The following AP3B2 variants were observed in gnomAD, a reference collection of about 807,000 sequenced individuals.
The protein encoded by AP3B2 is AP-3 complex subunit beta-2.
In AP3B2, 50 loss-of-function variants were observed where a neutral mutation model predicts 126.9. The observed-to-expected ratio is 0.39, with a 90% confidence interval of 0.31 to 0.50. The LOEUF is 0.50. Among genes scored for constraint, AP3B2 ranks in the 20% least tolerant of loss-of-function variants. AP3B2 has a pLI of 0.79. For missense variants in AP3B2, 1,177 were observed against 1,426.4 expected, an observed-to-expected ratio of 0.83 and a Z score of 2.82; for synonymous variants, 541 against 565.0, an observed-to-expected ratio of 0.96 and a Z score of 0.60.
Position 82,680,316 on chromosome 15 carries a change from G to C in AP3B2, c.1056-87C>G. ...AGGGGAAAAGGTGGGGCAAGTCGTTGCGGGGAGAGGACCAGTGCGGAGGGC... is the reference window on the plus strand; with the variant it reads ...AGGGGAAAAGGTGGGGCAAGTCGTTCCGGGGAGAGGACCAGTGCGGAGGGC... On this transcript the variant is annotated intron_variant, in intron 8 of 26. Coordinates refer to ENST00000535359, the MANE Select transcript of AP3B2 (RefSeq NM_001278512.2). This position sits in a 1 kb window ranked among gnomAD's most constrained non-coding sequence, Gnocchi z 6.1. 6.3e-7 allele frequency: 1 copy of C among 1,585,334 alleles called. No individual in the cohort carries two copies. The highest frequency in any genetic ancestry group is 8.6e-7 in the Non-Finnish European group (1 of 1,163,352).
chr15:82,665,059 CA>C lies in AP3B2; in HGVS notation c.2029-117del. Reference sequence around the variant, plus strand: ...GTGAGGCCCTACCTGGTCTGTCCCACAAAGGGAATAACAGAGGAGGAAGAAA... The same window carrying C: ...GTGAGGCCCTACCTGGTCTGTCCCACAAGGGAATAACAGAGGAGGAAGAAA... On this transcript the variant is annotated intron_variant, in intron 17 of 26. Coordinates refer to ENST00000535359, the MANE Select transcript of AP3B2 (RefSeq NM_001278512.2). The surrounding 1 kb of genome is among the most constrained non-coding windows in gnomAD (Gnocchi z 4.4). 9.5e-7 allele frequency: 1 copy of C among 1,050,190 alleles called. No homozygotes were observed. The allele number at this position is 1,050,190 out of a possible 1,614,324, so 65.1% of individuals were successfully genotyped here. A position where few individuals can be genotyped will look rare whatever the true frequency, so the allele number is the denominator to read the frequency against.
chr15:82,697,881 T>TA (rs2048654228), intron 1 of AP3B2: 1 of 152,398 alleles, frequency 6.6e-6, no homozygotes, highest in Non-Finnish European at 1.5e-5. Flanking sequence ...ACCAGACTGT[T>TA]GAGTTTCTTA....
At chr15:82,670,203 G>A (rs1404893960) in intron 14 of AP3B2, among the ~76,000 whole-genome samples, 5 of 136,840 alleles carry the variant, frequency 3.7e-5, no homozygotes, top group African/African-American at 5.5e-5. Flanking sequence ...TCCGCCTCCC[G>A]GGTTCAAGCA....
chr15:82,662,087 C>G (rs2047960507), intron 24 of AP3B2, 81 bp downstream of exon 24: 4 of 1,410,402 alleles, frequency 2.8e-6, no homozygotes, highest in Non-Finnish European at 3.9e-6. Context: ...CCCCACTAAG[C>G]ACCACCTCCA....
At chr15:82,666,145 C>T (rs1393192911) in intron 15 of AP3B2, among the ~76,000 whole-genome samples, 3 of 152,358 alleles carry the variant, frequency 2.0e-5, no homozygotes, top group African/African-American at 7.2e-5. Context: ...GAAGGAGGCT[C>T]TCTTCTGTGT....
At chr15:82,689,614 A>AG (rs1205720809) in intron 1 of AP3B2, 161 bp from the exon 2 acceptor site, 2 of 619,848 alleles carry the variant, frequency 3.2e-6, no homozygotes. Context: ...AGTACAGATC[A>AG]GGGGAAACAT....
Position 82,681,905 on chromosome 15 carries a change from T to C in AP3B2, c.361-325A>G, listed in dbSNP as rs2048345584. ...AAGGGTTTTTTTGGAGGTGCCTGTT[T>C]TAATGCCTGAGGTGACCGCCCAGCA... is the stretch of plus-strand genomic sequence containing the variant. On this transcript the variant is annotated intron_variant, in intron 4 of 26. Transcript: ENST00000535359. This position sits in a 1 kb window ranked among gnomAD's most constrained non-coding sequence, Gnocchi z 4.0. Among the ~76,000 whole-genome samples the C allele has an allele frequency of 6.6e-6, 1 of 152,124 alleles. No homozygotes were observed. The highest frequency in any genetic ancestry group is 1.5e-5 in the Non-Finnish European group (1 of 68,022).
chr15:82,708,534 G>A (rs1281934217), intron 1 of AP3B2, among the ~76,000 whole-genome samples: 1 of 152,018 alleles, frequency 6.6e-6, no homozygotes, highest in Non-Finnish European at 1.5e-5. Flanking sequence ...AATCATGCCA[G>A]GCCTGTGAAC....
intron 4 of AP3B2, among the ~76,000 whole-genome samples, chr15:82,683,025 G>A (rs1287362326): frequency 8.3e-6 from 1 of 120,878 alleles, no homozygotes; most frequent in Non-Finnish European, 1.7e-5. Context: ...TTTCAACAAT[G>A]TTCACAGCAT....
At chr15:82,703,362 C>A (rs1268256588) in intron 1 of AP3B2, among the ~76,000 whole-genome samples, 1 of 151,738 alleles carries the variant, frequency 6.6e-6, no homozygotes, top group Non-Finnish European at 1.5e-5. Flanking sequence ...CCTCTCTTTT[C>A]TCTCCACTTT....
chr15:82,670,015 A>G, intron 14 of AP3B2, among the ~76,000 whole-genome samples: 1 of 145,460 alleles, frequency 6.9e-6, no homozygotes, highest in Non-Finnish European at 1.5e-5. Context: ...AAAAAAAAAA[A>G]AAAAAAAAAC....
intron 1 of AP3B2, chr15:82,691,808 T>C (rs1245870305): frequency 6.9e-7 from 1 of 1,453,382 alleles, no homozygotes; most frequent in Non-Finnish European, 9.6e-7. Flanking sequence ...AAACCGAGAC[T>C]GTGAGTAGCC....
chr15:82,666,264 C>T (rs1417426808), intron 15 of AP3B2, among the ~76,000 whole-genome samples: 1 of 152,198 alleles, frequency 6.6e-6, no homozygotes, highest in African/African-American at 2.4e-5. Context: ...AAGGGCCAAG[C>T]CCAGGAACAG....
chr15:82,661,729 G>C, intron 25 of AP3B2, 96 bp downstream of exon 25: 1 of 1,037,300 alleles, frequency 9.6e-7, no homozygotes. Context: ...CCCTGGTCTA[G>C]ATGAAGGACA....
At chr15:82,699,992 G>A (rs984479857) in intron 1 of AP3B2, 18 of 397,942 alleles carry the variant, frequency 4.5e-5, no homozygotes, top group African/African-American at 1.2e-4. Flanking sequence ...GGGATGCTCC[G>A]GTTTCCTCTT....
chr15:82,666,629 C>T (rs537624538), intron 15 of AP3B2, 118 bp downstream of exon 15: 10 of 1,143,272 alleles, frequency 8.7e-6, no homozygotes, highest in East Asian at 2.6e-5. Flanking sequence ...AGCCAGGGAG[C>T]AGGACTGTCC....
chr15:82,689,125 G>A, intron 3 of AP3B2, 33 bp downstream of exon 3: 2 of 1,608,076 alleles, frequency 1.2e-6, no homozygotes, highest in East Asian at 4.5e-5. Flanking sequence ...GGGGGAGGTG[G>A]GGACAAGCAA....
chr15:82,699,954 AAACTTGGTAACCG>A (rs1220544013), intron 1 of AP3B2: 1 of 398,674 alleles, frequency 2.5e-6, no homozygotes, highest in Non-Finnish European at 4.4e-6. Flanking sequence ...CCCGCCCCCA[AAACTTGGTAACCG>A]GACACTGGCA....
chr15:82,666,870 C>A lies in AP3B2; in HGVS notation c.1729G>T (p.Asp577Tyr). 2 of 1,613,900 alleles carry A rather than the reference C, an allele frequency of 1.2e-6. No individual in the cohort carries two copies. Among genetic ancestry groups the A allele is most frequent in the South Asian group, 1.1e-5 (1 of 91,044 alleles). ...AGCTGCCGGGTGAAGCGCGCCCGGT[C>A]GCGAATATCATAGTTCTGGTCATAT... ...AKYDQNYDIR[D>Y]RARFTRQLIV... Residue 577 changes from aspartate to tyrosine, a missense_variant, in exon 15 of 27, where the codon GAC becomes TAC. Asp to Tyr is a radical substitution (Grantham distance 160). Transcript: ENST00000535359.
Sources: gnomAD v4.1 joint callset for allele counts (sites outside exome capture counted in the v4.1 genomes callset) on GRCh38, gnomAD v4.1.1 for gene constraint, Gnocchi (gnomAD v3.1) non-coding constraint, MANE v1.5 for transcripts, NCBI Gene and HGNC (gene_info 2026-07-23, HGNC 2026-07-21) for gene names.